CTDP1: variants seen among roughly 807,000 people sequenced by gnomAD.
CTDP1 encodes the protein CTD phosphatase 1.
In CTDP1, 47 loss-of-function variants were observed where a neutral mutation model predicts 91.8. The observed-to-expected ratio is 0.51, with a 90% CI of 0.41 to 0.65. The LOEUF (loss-of-function observed/expected upper bound fraction) is 0.65. Among genes scored for constraint, CTDP1 ranks in the 30% least tolerant of loss-of-function variants. CTDP1 has a pLI of 0.00. For missense variants in CTDP1, 1,272 were observed against 1,373.7 expected (o/e 0.93, Z 1.17); for synonymous variants, 656 against 598.5 (o/e 1.10, Z -1.40).
At chr18:79,695,161 C>T in intron 1 of CTDP1, 64 bp from the exon 2 acceptor site, 1 of 1,473,274 alleles carries the variant, frequency 6.8e-7, no homozygotes, top group Non-Finnish European at 9.5e-7. Flanking sequence ...AAAATTCTTA[C>T]TTGGGGGCTC....
chr18:79,707,693 A>C (rs1042442228), intron 5 of CTDP1, among the ~76,000 whole-genome samples: 1 of 152,228 alleles, frequency 6.6e-6, no homozygotes, highest in Non-Finnish European at 1.5e-5. Context: ...GCAACGCAGG[A>C]GGAAGACTGT....
At chr18:79,693,708 G>A (rs2085672059) in intron 1 of CTDP1, among the ~76,000 whole-genome samples, 1 of 152,156 alleles carries the variant, frequency 6.6e-6, no homozygotes, top group Admixed American at 6.5e-5. Context: ...CCCGCACCGT[G>A]TGTCCTCAGC....
intron 11 of CTDP1, 45 bp from the exon 12 acceptor site, chr18:79,736,310 G>A: frequency 6.5e-7 from 1 of 1,548,474 alleles, no homozygotes; most frequent in South Asian, 1.2e-5. Context: ...CGGAGGAACG[G>A]GGCCCGGGAA....
intron 8 of CTDP1, among the ~76,000 whole-genome samples, chr18:79,715,850 G>A (rs1432792467): frequency 6.6e-6 from 1 of 152,186 alleles, no homozygotes; most frequent in Non-Finnish European, 1.5e-5. Context: ...GAAATTCGAG[G>A]CAGGAACAGG....
chr18:79,718,121 G>C, intron 10 of CTDP1, 105 bp downstream of exon 10: 1 of 1,329,788 alleles, frequency 7.5e-7, no homozygotes, highest in Non-Finnish European at 1.0e-6. Flanking sequence ...GAGGGCGGGT[G>C]GAGGCTGCAG....
intron 12 of CTDP1, among the ~76,000 whole-genome samples, chr18:79,742,975 C>A (rs1393873255): frequency 2.6e-5 from 4 of 152,182 alleles, no homozygotes. Flanking sequence ...TAAAACAACT[C>A]TTTGTACCTA....
chr18:79,741,193 T>C (rs1487113204), intron 12 of CTDP1, among the ~76,000 whole-genome samples: 1 of 148,538 alleles, frequency 6.7e-6, no homozygotes, highest in Non-Finnish European at 1.5e-5. Context: ...CCCCGTGCGG[T>C]TGATCTGTCC....
intron 1 of CTDP1, among the ~76,000 whole-genome samples, chr18:79,690,548 G>A (rs1447638633): frequency 2.6e-5 from 4 of 152,186 alleles, no homozygotes; most frequent in African/African-American, 9.7e-5. Context: ...CGTGGAGGCT[G>A]GAATGAGAGC....
At chr18:79,710,514 G>C in intron 6 of CTDP1, 78 bp downstream of exon 6, 1 of 1,147,240 alleles carries the variant, frequency 8.7e-7, no homozygotes, top group Non-Finnish European at 1.3e-6. Flanking sequence ...GAAATTTAGA[G>C]CAGTATTTCT....
At chr18:79,698,030 C>T (rs774796964) in intron 4 of CTDP1, 42 bp downstream of exon 4, 10 of 1,612,348 alleles carry the variant, frequency 6.2e-6, no homozygotes, top group African/African-American at 4.0e-5. Flanking sequence ...CCAGGAACCG[C>T]GGGTCCTAGA....
rs752001166 is a variant in CTDP1, at chr18:79,736,502, G to A, written c.2728G>A (p.Ala910Thr). ...ACCTGCGTCCAGCGAGAGGAGCGCG[G>A]CAGGGGGCCGGGGGCCCAGGTGAGT... ...GAPASSERSA[A>T]GGRGPRGHKR... is the part of the protein sequence containing the mutation. Residue 910 changes from alanine (A) to threonine (T), a missense_variant, in exon 12 of 13, where the codon GCA (alanine) becomes ACA (threonine). Ala to Thr is a moderately conservative substitution (Grantham distance 58). This residue lies in a region of CTDP1 where 881 missense variants were observed against 911.6 expected (regional missense o/e 0.97). Coordinates refer to ENST00000613122, the MANE Select transcript of CTDP1 (RefSeq NM_004715.5). 5.2e-5 allele frequency: 81 copies of A among 1,545,506 alleles called. No homozygotes were observed. In the African/African-American group the frequency reaches 9.9e-4, roughly 19 times the overall value.
intron 1 of CTDP1, among the ~76,000 whole-genome samples, chr18:79,689,868 C>T (rs2085584146): frequency 6.6e-6 from 1 of 152,186 alleles, no homozygotes; most frequent in African/African-American, 2.4e-5. Flanking sequence ...TTTGCCTTGA[C>T]ACAAAACTTA....
intron 8 of CTDP1, among the ~76,000 whole-genome samples, chr18:79,715,813 G>A (rs942928047): frequency 6.6e-6 from 1 of 152,188 alleles, no homozygotes; most frequent in Non-Finnish European, 1.5e-5. Flanking sequence ...TTGGAAAACA[G>A]GGAATCAGCG....
intron 2 of CTDP1, 136 bp from the exon 3 acceptor site, chr18:79,695,841 G>T (rs557549059): frequency 1.8e-5 from 14 of 764,774 alleles, no homozygotes; most frequent in Non-Finnish European, 3.2e-5. Context: ...CACGTTTGCC[G>T]ACAGAATCAA....
intron 12 of CTDP1, among the ~76,000 whole-genome samples, chr18:79,740,464 T>A (rs1424521729): frequency 1.3e-5 from 2 of 152,252 alleles, no homozygotes. Flanking sequence ...ATGTGAATGT[T>A]TTGAAATTTT....
At chr18:79,695,353 G>A (rs756533942) in intron 2 of CTDP1, 45 bp downstream of exon 2, 4 of 1,575,962 alleles carry the variant, frequency 2.5e-6, no homozygotes, top group Non-Finnish European at 3.5e-6. Context: ...GGGGCTCGAG[G>A]TGGTGGCCTC....
intron 1 of CTDP1, among the ~76,000 whole-genome samples, chr18:79,682,555 C>G (rs2085397132): frequency 6.6e-6 from 1 of 152,246 alleles, no homozygotes; most frequent in African/African-American, 2.4e-5. Flanking sequence ...TTGCTTTGGT[C>G]TGCGAGGGCC....
chr18:79,720,503 T>C (rs1160983900), intron 10 of CTDP1, among the ~76,000 whole-genome samples: 1 of 150,956 alleles, frequency 6.6e-6, no homozygotes, highest in African/African-American at 2.4e-5. Flanking sequence ...TCACCTCCCA[T>C]CGTGTCCTAG....
intron 1 of CTDP1, 101 bp downstream of exon 1, chr18:79,680,362 T>A: frequency 1.0e-6 from 1 of 961,906 alleles, no homozygotes; most frequent in South Asian, 4.8e-5. Context: ...GGGGCGCCCC[T>A]GGTGAGGGAG....
Sources: allele counts gnomAD v4.1 joint callset (sites outside exome capture counted in the v4.1 genomes callset), GRCh38; gene constraint gnomAD v4.1.1; regional missense constraint gnomAD v4.1.1; transcripts MANE v1.5; gene names NCBI Gene and HGNC (gene_info 2026-07-23, HGNC 2026-07-21).